The following BRAP variants were observed in gnomAD, a reference collection of about 807,000 sequenced individuals.
BRAP encodes the protein BRCA1-associated protein.
Under a neutral mutation model 73.4 loss-of-function variants are expected in BRAP, and 42 were observed. The ratio of observed to expected loss-of-function variants is 0.57; its 90% CI spans 0.45 to 0.74. BRAP has a LOEUF of 0.74. Among genes scored for constraint, BRAP ranks in the 30% least tolerant of loss-of-function variants. BRAP has a pLI of 0.00. For missense variants in BRAP, 593 were observed against 751.4 expected, an observed-to-expected ratio of 0.79 and a Z score of 2.46; for synonymous variants, 255 against 267.4, an observed-to-expected ratio of 0.95 and a Z score of 0.45.
chr12:111,655,480 T>G (rs1472118375), intron 10 of BRAP, 86 bp downstream of exon 10: 1 of 1,081,536 alleles, frequency 9.2e-7, no homozygotes, highest in African/African-American at 1.6e-5. Flanking sequence ...AAGATTCCTC[T>G]TTCCCTGTAC....
intron 3 of BRAP, among the ~76,000 whole-genome samples, chr12:111,680,155 C>T (rs922368856): frequency 6.6e-6 from 1 of 151,382 alleles, no homozygotes; most frequent in Admixed American, 6.6e-5. Context: ...TGGGGTTTCA[C>T]TATGTTGGCC....
intron 5 of BRAP, among the ~76,000 whole-genome samples, chr12:111,672,021 C>G (rs932480057): frequency 6.6e-6 from 1 of 152,052 alleles, no homozygotes; most frequent in African/African-American, 2.4e-5. Context: ...CCGCGCCCAG[C>G]CAGGGTGATC....
At chr12:111,656,449 G>C (rs1450436379) in intron 9 of BRAP, among the ~76,000 whole-genome samples, 1 of 152,220 alleles carries the variant, frequency 6.6e-6, no homozygotes, top group African/African-American at 2.4e-5. Flanking sequence ...TAATGTGCCA[G>C]GTTAGGAGAT....
intron 9 of BRAP, among the ~76,000 whole-genome samples, chr12:111,656,406 G>A (rs1210597587): frequency 1.3e-5 from 2 of 152,212 alleles, no homozygotes; most frequent in Non-Finnish European, 2.9e-5. Context: ...CTTCAGAAAT[G>A]AATGAGTAAC....
chr12:111,649,967 G>A lies in BRAP; in HGVS notation c.1387C>T (p.Leu463=), dbSNP rs1886256326. The A allele has an allele frequency of 1.9e-6, 3 of 1,610,636 alleles. No individual in the cohort carries two copies. The highest frequency in any genetic ancestry group is 1.6e-4 in the Middle Eastern group (1 of 6,082). ...DNLEHKLNDL[L]KEKQSVERKC... Reference sequence around the variant, plus strand: ...CTTTCCACAGACTGCTTTTCTTTTAGGAGATCATTTAGTTTGTGCTCTAGA... The same window carrying A: ...CTTTCCACAGACTGCTTTTCTTTTAAGAGATCATTTAGTTTGTGCTCTAGA... The change falls in exon 11 of 12, where the codon CTA becomes TTA. Residue 463 remains leucine, a synonymous_variant. Transcript: ENST00000419234.
intron 11 of BRAP, 22 bp from the exon 12 acceptor site, chr12:111,644,584 CA>C (rs1886036368): frequency 6.2e-7 from 1 of 1,605,778 alleles, no homozygotes; most frequent in Non-Finnish European, 8.5e-7. Context: ...CAAAGGAAGA[CA>C]AAAGCACATT....
At chr12:111,648,056 T>C (rs903227283) in intron 11 of BRAP, among the ~76,000 whole-genome samples, 4 of 151,844 alleles carry the variant, frequency 2.6e-5, no homozygotes, top group African/African-American at 4.8e-5. Flanking sequence ...TCCCAGCACT[T>C]TGGGAGGCTG....
intron 10 of BRAP, among the ~76,000 whole-genome samples, chr12:111,655,068 G>A (rs1322651746): frequency 6.6e-6 from 1 of 152,086 alleles, no homozygotes; most frequent in African/African-American, 2.4e-5. Flanking sequence ...GTAGTGAATG[G>A]CATCTTTTTT....
intron 11 of BRAP, among the ~76,000 whole-genome samples, chr12:111,645,650 A>C (rs1886083830): frequency 6.6e-6 from 1 of 152,174 alleles, no homozygotes; most frequent in Non-Finnish European, 1.5e-5. Flanking sequence ...CTTGATGTCC[A>C]GTCTTACTCA....
At chr12:111,648,509 G>A (rs537275002) in intron 11 of BRAP, among the ~76,000 whole-genome samples, 1 of 145,286 alleles carries the variant, frequency 6.9e-6, no homozygotes, top group African/African-American at 2.6e-5. Context: ...CTACTCGGGA[G>A]GCTGAGGCAG....
chr12:111,671,196 C>T (rs575994846), intron 5 of BRAP, among the ~76,000 whole-genome samples: 2 of 152,136 alleles, frequency 1.3e-5, no homozygotes, highest in South Asian at 4.1e-4. Context: ...CCAGTGACCA[C>T]ATAATATAGG....
At chr12:111,659,447 A>C in intron 7 of BRAP, 102 bp from the exon 8 acceptor site, 1 of 1,105,360 alleles carries the variant, frequency 9.0e-7, no homozygotes, top group South Asian at 1.5e-5. Context: ...TGAGGTCAGG[A>C]GTTCGAGACC....
intron 2 of BRAP, among the ~76,000 whole-genome samples, chr12:111,682,290 G>A (rs992997443): frequency 2.0e-5 from 3 of 152,108 alleles, no homozygotes; most frequent in African/African-American, 7.2e-5. Context: ...GGGAGGTCAA[G>A]AGGTTGAGAC....
At chr12:111,647,241 G>C (rs1270283678) in intron 11 of BRAP, among the ~76,000 whole-genome samples, 1 of 152,020 alleles carries the variant, frequency 6.6e-6, no homozygotes, top group Non-Finnish European at 1.5e-5. Context: ...ACTGTACTCT[G>C]GCCTAGGCAA....
Position 111,672,192 on chromosome 12 carries a change from G to A in BRAP, c.747+469C>T, listed in dbSNP as rs923734880. On this transcript the variant is annotated intron_variant, in intron 5 of 11. Transcript: ENST00000419234. ...TGTGCTCCAGCCTAGGTGACACAGC[G>A]AGACCCTGTCTCAAAAATAAAAGGC... 9.2e-5 allele frequency among the ~76,000 whole-genome samples: 14 copies of A among 152,246 alleles called. No individual in the cohort carries two copies. The South Asian group carries it at 1.0e-3, about 11-fold the overall frequency.
intron 10 of BRAP, 121 bp from the exon 11 acceptor site, chr12:111,650,163 G>A: frequency 1.9e-6 from 1 of 529,342 alleles, no homozygotes; most frequent in Non-Finnish European, 3.1e-6. Context: ...CAAAATTAGA[G>A]AAGGTGAGAT....
Position 111,660,618 on chromosome 12 carries a change from A to C in BRAP, c.954T>G (p.Phe318Leu), listed in dbSNP as rs1227362143. 6.2e-7 allele frequency: 1 copy of C among 1,606,358 alleles called. No individual in the cohort carries two copies. The part of the protein sequence containing the change: ...TPEPVEENKC[F>L]ECGVQENLWI... ...TACTTACTTCCTGAACACCACACTC[A>C]AAACACTTATTTTCTTCTACTGGCT... The change falls in exon 7 of 12, where the codon TTT becomes TTG. Residue 318 changes from phenylalanine (F) to leucine (L), a missense_variant. Around this residue, in one of 4 missense-constraint regions of BRAP, gnomAD observed 67 missense variants for 158.0 expected, o/e 0.42. Coordinates refer to ENST00000419234, the MANE Select transcript of BRAP (RefSeq NM_006768.5).
chr12:111,674,463 G>A (rs897261732), intron 4 of BRAP, among the ~76,000 whole-genome samples: 6 of 152,056 alleles, frequency 3.9e-5, no homozygotes, highest in Non-Finnish European at 5.9e-5. Flanking sequence ...GGCTCGTCTC[G>A]AACTCCTGAG....
chr12:111,660,478 G>C (rs1886704419), intron 7 of BRAP, 122 bp downstream of exon 7: 1 of 833,106 alleles, frequency 1.2e-6, no homozygotes, highest in African/African-American at 1.8e-5. Flanking sequence ...AGTAAGCCCT[G>C]TCTCTTAAAA....
Sources: allele counts gnomAD v4.1 joint callset (sites outside exome capture counted in the v4.1 genomes callset), GRCh38; gene constraint gnomAD v4.1.1; regional missense constraint gnomAD v4.1.1; transcripts MANE v1.5; gene names NCBI Gene and HGNC (gene_info 2026-07-23, HGNC 2026-07-21).